Variants in GRK5 observed in about 807,000 individuals in gnomAD.
GRK5 encodes the protein g protein-coupled receptor kinase GRK5.
GRK5 carries 40 observed loss-of-function variants against 78.4 expected under a neutral mutation model. The observed-to-expected ratio is 0.51, with a 90% confidence interval of 0.40 to 0.66. GRK5 has a LOEUF of 0.66. GRK5 is among the 30% of genes least tolerant of loss of function. GRK5 has a pLI of 0.00. For synonymous variants in GRK5, 289 were observed against 296.8 expected (o/e 0.97, Z 0.27); for missense variants, 598 against 759.9 (o/e 0.79, Z 2.50).
intron 13 of GRK5, among the ~76,000 whole-genome samples, chr10:119,450,512 G>A (rs750253906): frequency 1.3e-5 from 2 of 152,222 alleles, no homozygotes; most frequent in East Asian, 1.9e-4. Flanking sequence ...CGGGGCCTCC[G>A]TGCGTGCACC....
At position 119,448,246 on chromosome 10, in the gene GRK5, C is replaced by T. The variant is rs1179080120; in HGVS notation, c.1390C>T (p.Pro464Ser). The T allele has an allele frequency of 1.9e-6, 3 of 1,594,908 alleles. No homozygotes were observed. The highest frequency in any genetic ancestry group is 2.6e-6 in the Non-Finnish European group (3 of 1,172,136). The change falls in exon 13 of 16, where the codon CCC (proline) becomes TCC (serine). Residue 464 changes from proline to serine, a missense_variant. Pro to Ser is a moderately conservative substitution (Grantham distance 74). Transcript: ENST00000392870. ...CTTAGAAGCCGGGATGTTGGACCCT[C>T]CCTTCGTTCCAGACGTGAGTAGCCT... ...KRLEAGMLDP[P>S]FVPDPRAVYC...
intron 1 of GRK5, chr10:119,211,785 G>A (rs930415569): frequency 3.3e-5 from 5 of 152,260 alleles, no homozygotes; most frequent in Non-Finnish European, 5.9e-5. Flanking sequence ...GAAGAGGTTA[G>A]GGAGGGCAGG....
intron 1 of GRK5, among the ~76,000 whole-genome samples, chr10:119,226,500 T>C (rs1368635009): frequency 6.6e-6 from 1 of 151,300 alleles, no homozygotes; most frequent in Non-Finnish European, 1.5e-5. Context: ...CCTAGCTTTG[T>C]TGCTAACCTG....
At chr10:119,276,891 G>A (rs1849679512) in intron 1 of GRK5, among the ~76,000 whole-genome samples, 1 of 152,188 alleles carries the variant, frequency 6.6e-6, no homozygotes, top group Non-Finnish European at 1.5e-5. Flanking sequence ...GTGTGAAAGA[G>A]GAATAGCTTC....
At chr10:119,209,290 T>C (rs1336151412) in intron 1 of GRK5, among the ~76,000 whole-genome samples, 3 of 152,098 alleles carry the variant, frequency 2.0e-5, no homozygotes, top group African/African-American at 7.2e-5. Flanking sequence ...CACTTGTCAC[T>C]CTAAAGCAGC....
At chr10:119,383,815 C>T (rs1851751044) in intron 3 of GRK5, among the ~76,000 whole-genome samples, 1 of 152,158 alleles carries the variant, frequency 6.6e-6, no homozygotes, top group African/African-American at 2.4e-5. Context: ...TGTACTAGAT[C>T]CATTGTTTCT....
At chr10:119,410,342 G>A (rs567886808) in intron 4 of GRK5, among the ~76,000 whole-genome samples, 2 of 152,228 alleles carry the variant, frequency 1.3e-5, no homozygotes, top group South Asian at 2.1e-4. Flanking sequence ...ACCCCTAAGC[G>A]CACTTCTTCC....
At chr10:119,301,138 A>G (rs112508602) in intron 1 of GRK5, among the ~76,000 whole-genome samples, 2,545 of 152,002 alleles carry the variant, frequency 0.017, 26 homozygotes, top group South Asian at 0.04. Context: ...ACCCATAGAC[A>G]TACTGCTGGA....
rs376756082 is a variant in GRK5, at chr10:119,208,809, AGG to A, written c.52+847_52+848del. Among the ~76,000 whole-genome samples, 18 of 151,750 alleles carry A rather than the reference AGG, an allele frequency of 1.2e-4. No individual in the cohort carries two copies. The South Asian group carries it at 3.1e-3, about 26-fold the overall frequency. On this transcript the variant is annotated intron_variant, in intron 1 of 15. Coordinates refer to ENST00000392870, the MANE Select transcript of GRK5 (RefSeq NM_005308.3). Reference sequence around the variant, plus strand: ...TTCCTTTTGATGAAAAACAGAAAAAAGGGGGGGGAGGCAGAAACTTGGGTGCT... The same window carrying A: ...TTCCTTTTGATGAAAAACAGAAAAAAGGGGGGAGGCAGAAACTTGGGTGCT...
intron 1 of GRK5, among the ~76,000 whole-genome samples, chr10:119,274,512 G>A (rs1015021848): frequency 6.6e-6 from 1 of 152,208 alleles, no homozygotes; most frequent in African/African-American, 2.4e-5. Flanking sequence ...CCTTGGCCTT[G>A]TATAGGGTGG....
chr10:119,237,990 G>A (rs1454495616), intron 1 of GRK5, among the ~76,000 whole-genome samples: 1 of 150,764 alleles, frequency 6.6e-6, no homozygotes, highest in East Asian at 2.0e-4. Context: ...CATGGAAAGG[G>A]CTCTAAGCCT....
intron 4 of GRK5, among the ~76,000 whole-genome samples, chr10:119,403,663 C>T (rs1488546584): frequency 1.3e-5 from 2 of 151,670 alleles, no homozygotes. Context: ...GATGGAGTTT[C>T]GCTCTTGTTG....
intron 4 of GRK5, among the ~76,000 whole-genome samples, chr10:119,414,633 A>G (rs538109399): frequency 6.6e-6 from 1 of 152,332 alleles, no homozygotes; most frequent in African/African-American, 2.4e-5. Flanking sequence ...CAGGCCAACT[A>G]TGTGCCCTTG....
At chr10:119,283,520 C>T (rs1849796542) in intron 1 of GRK5, among the ~76,000 whole-genome samples, 1 of 152,246 alleles carries the variant, frequency 6.6e-6, no homozygotes, top group South Asian at 2.1e-4. Context: ...GAGTTCCAGG[C>T]TTCAGGAACG....
At chr10:119,319,979 C>G (rs1850556042) in intron 1 of GRK5, among the ~76,000 whole-genome samples, 1 of 152,362 alleles carries the variant, frequency 6.6e-6, no homozygotes, top group South Asian at 2.1e-4. Context: ...GCTGCACCCG[C>G]CTCCTTCCCG....
intron 1 of GRK5, among the ~76,000 whole-genome samples, chr10:119,293,234 A>G (rs544519804): frequency 6.6e-6 from 1 of 152,312 alleles, no homozygotes; most frequent in African/African-American, 2.4e-5. Flanking sequence ...AAGAGACTTG[A>G]GGTGGCTGGA....
chr10:119,266,258 C>T (rs1479648359), intron 1 of GRK5, among the ~76,000 whole-genome samples: 1 of 152,140 alleles, frequency 6.6e-6, no homozygotes, highest in Non-Finnish European at 1.5e-5. Flanking sequence ...GAGTTCGAGA[C>T]CAGCCTGGCC....
At chr10:119,326,684 G>A (rs529612408) in intron 2 of GRK5, 73 bp downstream of exon 2, 3 of 1,136,782 alleles carry the variant, frequency 2.6e-6, no homozygotes, top group Non-Finnish European at 1.3e-6. Context: ...GTGCATTAAG[G>A]CAAATGGGTG....
At chr10:119,429,092 G>A (rs1283519714) in intron 6 of GRK5, among the ~76,000 whole-genome samples, 2 of 152,248 alleles carry the variant, frequency 1.3e-5, no homozygotes, top group Admixed American at 1.3e-4. Context: ...AGCCGCTCCT[G>A]TGCAGAAGAG....
Sources: gnomAD v4.1 joint callset for allele counts (sites outside exome capture counted in the v4.1 genomes callset) on GRCh38, gnomAD v4.1.1 for gene constraint, MANE v1.5 for transcripts, NCBI Gene and HGNC (gene_info 2026-07-23, HGNC 2026-07-21) for gene names.